CAMTA1: variants seen among roughly 807,000 people sequenced by gnomAD.
The protein encoded by CAMTA1 is calmodulin-binding transcription activator 1.
CAMTA1 carries 27 observed loss-of-function variants against 170.9 expected under a neutral mutation model. The observed-to-expected ratio is 0.16, with a 90% CI of 0.12 to 0.22. The LOEUF is 0.22. Among genes scored for constraint, CAMTA1 ranks in the 10% least tolerant of loss-of-function variants. The pLI, the probability that CAMTA1 is intolerant of heterozygous loss-of-function variation, is 1.00. For missense variants in CAMTA1, 1,619 were observed against 2,217.2 expected (o/e 0.73, Z 5.42); for synonymous variants, 833 against 891.5 (o/e 0.93, Z 1.17).
chr1:7,141,042 T>A (rs1438910824), intron 4 of CAMTA1, among the ~76,000 whole-genome samples: 1 of 152,208 alleles, frequency 6.6e-6, no homozygotes, highest in Non-Finnish European at 1.5e-5. Flanking sequence ...AGGAAATAAC[T>A]TTTCAATTAA....
chr1:6,913,138 T>A (rs911688136), intron 3 of CAMTA1, among the ~76,000 whole-genome samples: 4 of 152,180 alleles, frequency 2.6e-5, no homozygotes, highest in African/African-American at 9.6e-5. Context: ...TGTAAACACT[T>A]CTGGGGACAA....
rs980125753 is a variant in CAMTA1 at position 7,568,915 on chromosome 1, C to A, written c.511-71485C>A. On this transcript the variant is annotated intron_variant, in intron 6 of 22. Transcript: ENST00000303635. ...CATCACCACCACCATCCATCATCAACATCACCATCATCATCATCTCACTAC... is the reference window on the plus strand; with the variant it reads ...CATCACCACCACCATCCATCATCAAAATCACCATCATCATCATCTCACTAC... Among the ~76,000 whole-genome samples, 7 of 151,708 alleles carry A rather than the reference C, an allele frequency of 4.6e-5. 1 individual carries two copies. Among genetic ancestry groups the A allele is most frequent in the Non-Finnish European group, 1.0e-4 (7 of 67,908 alleles).
chr1:7,193,865 G>A lies in CAMTA1; in HGVS notation c.303-55626G>A, dbSNP rs568315937. Among the ~76,000 whole-genome samples the A allele has an allele frequency of 3.3e-5, 5 of 152,322 alleles. No homozygotes were observed. In the South Asian group the frequency reaches 1.0e-3, roughly 32 times the overall value. On this transcript the variant is annotated intron_variant, in intron 4 of 22. Transcript: ENST00000303635. ...TTACAGAAGAGGCTGACGGCCCGAA[G>A]GGGAGGCTAGCCATCAGATTTCCAT...
intron 6 of CAMTA1, among the ~76,000 whole-genome samples, chr1:7,608,292 G>C (rs1431792355): frequency 6.6e-6 from 1 of 152,232 alleles, no homozygotes; most frequent in African/African-American, 2.4e-5. Context: ...CATGCAGGTG[G>C]TAGATGGGAG....
In CAMTA1 at chr1:7,599,698, A is replaced by G. The variant is rs779893391; in HGVS notation, c.511-40702A>G. 1.4e-4 allele frequency among the ~76,000 whole-genome samples: 21 copies of G among 152,194 alleles called. 1 individual carries two copies. In the Middle Eastern group the frequency reaches 0.02, roughly 148 times the overall value. ...TTCCTAGGTATTTTATTCTCTTTGA[A>G]GCAGTTGTGAATAGGAGTTCATTCA... On this transcript the variant is annotated intron_variant, in intron 6 of 22. Coordinates refer to ENST00000303635, the MANE Select transcript of CAMTA1 (RefSeq NM_015215.4).
At position 7,069,515 on chromosome 1, in the gene CAMTA1, G is replaced by A. The variant is rs191375964; in HGVS notation, c.235-21789G>A. On this transcript the variant is annotated intron_variant, in intron 3 of 22. Transcript: ENST00000303635. ...CTGGGAGAATAAACACACGAATTGA[G>A]CCAAGGGTCAGCCAACGGGACAGGT... Among the ~76,000 whole-genome samples the A allele has an allele frequency of 1.1e-3, 175 of 152,328 alleles. 1 individual carries two copies. The highest frequency in any genetic ancestry group is 1.7e-3 in the Non-Finnish European group (116 of 68,028).
At chr1:7,619,899 C>T (rs1040211191) in intron 6 of CAMTA1, among the ~76,000 whole-genome samples, 1 of 152,188 alleles carries the variant, frequency 6.6e-6, no homozygotes, top group Non-Finnish European at 1.5e-5. Context: ...ATCCGCCTGC[C>T]TCGGGAGAAA....
At chr1:6,808,495 G>A (rs1644787317) in intron 1 of CAMTA1, among the ~76,000 whole-genome samples, 1 of 152,158 alleles carries the variant, frequency 6.6e-6, no homozygotes, top group Non-Finnish European at 1.5e-5. Context: ...TGTCTTCTGT[G>A]TTTCAGCTTA....
intron 3 of CAMTA1, among the ~76,000 whole-genome samples, chr1:6,881,670 A>G (rs1365560992): frequency 1.3e-5 from 2 of 152,186 alleles, no homozygotes; most frequent in Non-Finnish European, 2.9e-5. Flanking sequence ...AAGACATGAC[A>G]GAAAGGATCA....
intron 5 of CAMTA1, among the ~76,000 whole-genome samples, chr1:7,403,706 G>C (rs2090082799): frequency 6.6e-6 from 1 of 152,200 alleles, no homozygotes. Context: ...TGGCTGCAGG[G>C]TCAGCACTGC....
chr1:7,066,037 G>A (rs1336252430), intron 3 of CAMTA1, among the ~76,000 whole-genome samples: 1 of 152,170 alleles, frequency 6.6e-6, no homozygotes, highest in African/African-American at 2.4e-5. Context: ...TGGCAACTGG[G>A]AGGGGCTGAG....
chr1:7,383,513 A>G (rs984195852), intron 5 of CAMTA1, among the ~76,000 whole-genome samples: 4 of 152,216 alleles, frequency 2.6e-5, no homozygotes, highest in African/African-American at 7.2e-5. Flanking sequence ...TCATCTGTAA[A>G]AATGGGCGTA....
At chr1:6,845,472 T>C (rs1428769845) in intron 3 of CAMTA1, among the ~76,000 whole-genome samples, 1 of 152,234 alleles carries the variant, frequency 6.6e-6, no homozygotes, top group African/African-American at 2.4e-5. Context: ...AGTTAAAAGC[T>C]GCAATAGTGA....
intron 7 of CAMTA1, among the ~76,000 whole-genome samples, chr1:7,647,379 G>T (rs959781211): frequency 6.6e-6 from 1 of 152,146 alleles, no homozygotes; most frequent in Non-Finnish European, 1.5e-5. Flanking sequence ...TTCCTTCCTG[G>T]GGCTCGCGGA....
intron 4 of CAMTA1, among the ~76,000 whole-genome samples, chr1:7,245,175 C>T (rs1382982299): frequency 1.7e-5 from 2 of 118,348 alleles, no homozygotes; most frequent in African/African-American, 3.8e-5. Flanking sequence ...ATTATTTAGC[C>T]AAGATATATA....
At chr1:7,210,458 A>T (rs2149066006) in intron 4 of CAMTA1, among the ~76,000 whole-genome samples, 1 of 152,258 alleles carries the variant, frequency 6.6e-6, no homozygotes, top group South Asian at 2.1e-4. Flanking sequence ...CTGCCCCTTT[A>T]CTGGGATTGT....
chr1:6,910,813 G>T (rs759003174), intron 3 of CAMTA1, among the ~76,000 whole-genome samples: 5 of 152,336 alleles, frequency 3.3e-5, no homozygotes, highest in Non-Finnish European at 7.3e-5. Flanking sequence ...TGGATCCGTG[G>T]AGCTTTGGAC....
chr1:7,172,627 A>ACACATCTGATGAGGGAT (rs1257439121), intron 4 of CAMTA1, among the ~76,000 whole-genome samples: 6 of 152,228 alleles, frequency 3.9e-5, no homozygotes, highest in Non-Finnish European at 7.3e-5. Flanking sequence ...AGGGATGCCC[A>ACACATCTGATGAGGGAT]GCCTGGGGAT....
At chr1:7,500,339 T>C (rs1427419532) in intron 6 of CAMTA1, among the ~76,000 whole-genome samples, 3 of 149,586 alleles carry the variant, frequency 2.0e-5, no homozygotes, top group East Asian at 3.9e-4. Flanking sequence ...GAGAGGATGG[T>C]GTGAGCCTGG....
Sources: gnomAD v4.1 joint callset for allele counts (sites outside exome capture counted in the v4.1 genomes callset) on GRCh38, gnomAD v4.1.1 for gene constraint, MANE v1.5 for transcripts, NCBI Gene and HGNC (gene_info 2026-07-23, HGNC 2026-07-21) for gene names.